Variants in EPB41L4B observed in about 807,000 individuals in gnomAD.
EPB41L4B encodes erythrocyte membrane protein band 4.1 like 4B.
Under a neutral mutation model 112.5 loss-of-function variants are expected in EPB41L4B, and 30 were observed. The observed-to-expected ratio is 0.27, with a 90% CI of 0.20 to 0.36. EPB41L4B has a LOEUF of 0.36. Among genes scored for constraint, EPB41L4B ranks in the 10% least tolerant of loss-of-function variants. The pLI is 1.00. For missense variants in EPB41L4B, 1,024 were observed against 1,133.3 expected, an observed-to-expected ratio of 0.90 and a Z score of 1.38; for synonymous variants, 408 against 439.7, an observed-to-expected ratio of 0.93 and a Z score of 0.90.
chr9:109,193,314 G>A (rs952930422), intron 21 of EPB41L4B, among the ~76,000 whole-genome samples: 1 of 152,242 alleles, frequency 6.6e-6, no homozygotes, highest in Admixed American at 6.5e-5. Context: ...TTATTCTTCA[G>A]CTGTCACCAG....
At chr9:109,178,186 G>C (rs1411413348) in intron 24 of EPB41L4B, among the ~76,000 whole-genome samples, 1 of 151,928 alleles carries the variant, frequency 6.6e-6, no homozygotes, top group Non-Finnish European at 1.5e-5. Flanking sequence ...AAAGTGCTGG[G>C]ATTATAGGTG....
intron 9 of EPB41L4B, 42 bp downstream of exon 9, chr9:109,256,094 A>G (rs1834973937): frequency 6.4e-7 from 1 of 1,552,800 alleles, no homozygotes; most frequent in African/African-American, 1.4e-5. Context: ...TCCACCACAA[A>G]ATAGGAAAAG....
intron 15 of EPB41L4B, chr9:109,241,103 T>C: frequency 1.0e-6 from 1 of 985,594 alleles, no homozygotes; most frequent in Non-Finnish European, 1.2e-6. Context: ...ATAAAATTAG[T>C]TTGAATGTAT....
At chr9:109,241,310 G>A in intron 15 of EPB41L4B, 1 of 1,031,052 alleles carries the variant, frequency 9.7e-7, no homozygotes. Flanking sequence ...AATATATGCT[G>A]AGCAATCTTC....
intron 16 of EPB41L4B, among the ~76,000 whole-genome samples, chr9:109,214,196 C>T (rs1217603977): frequency 6.6e-6 from 1 of 152,210 alleles, no homozygotes; most frequent in Non-Finnish European, 1.5e-5. Flanking sequence ...GATTAGTGTT[C>T]AGGCAAACAG....
intron 15 of EPB41L4B, among the ~76,000 whole-genome samples, chr9:109,218,694 T>C (rs1479295563): frequency 1.3e-5 from 2 of 151,798 alleles, no homozygotes; most frequent in Non-Finnish European, 2.9e-5. Flanking sequence ...CTTCCCACCC[T>C]AACTCCTTCC....
chr9:109,176,783 G>T (rs1029569762), intron 24 of EPB41L4B, 87 bp from the exon 25 acceptor site: 3 of 1,438,668 alleles, frequency 2.1e-6, no homozygotes, highest in Admixed American at 2.2e-5. Context: ...TTACTCTACA[G>T]TTCCTGTTCC....
At chr9:109,310,154 T>G (rs74343255) in intron 1 of EPB41L4B, among the ~76,000 whole-genome samples, 26 of 152,154 alleles carry the variant, frequency 1.7e-4, no homozygotes, top group Non-Finnish European at 3.7e-4. Flanking sequence ...ATGCATGCAA[T>G]GGAATAACTA....
chr9:109,208,046 C>T lies in EPB41L4B; in HGVS notation c.1756G>A (p.Glu586Lys), dbSNP rs199540461. 1.9e-4 allele frequency: 300 copies of T among 1,613,724 alleles called. No individual in the cohort carries two copies. Among genetic ancestry groups the T allele is most frequent in the Non-Finnish European group, 2.4e-4 (284 of 1,179,946 alleles). The change falls in exon 18 of 26, where the codon GAA becomes AAA. Residue 586 changes from glutamate (E) to lysine (K), a missense_variant. Physicochemically the swap from Glu to Lys is moderately conservative, Grantham distance 56. Transcript: ENST00000374566. Reference sequence around the variant, plus strand: ...GTTTTCTCCGAGACTTTCTTTTCTTCAGCCTGAGACAAACCAAAATACAAA... The same window carrying T: ...GTTTTCTCCGAGACTTTCTTTTCTTTAGCCTGAGACAAACCAAAATACAAA... ...PPLHININKAEEKKVSEKTLQ... is the reference protein window; with the variant it reads ...PPLHININKAKEKKVSEKTLQ...
At chr9:109,265,109 C>A in intron 4 of EPB41L4B, 85 bp from the exon 5 acceptor site, 2 of 1,045,948 alleles carry the variant, frequency 1.9e-6, no homozygotes, top group Non-Finnish European at 2.8e-6. Context: ...AACCCCACCC[C>A]ACACACAGCA....
In EPB41L4B at chr9:109,263,031, C is replaced by G; in HGVS notation, c.631+19G>C. The G allele has an allele frequency of 6.5e-7, 1 of 1,547,748 alleles. No individual in the cohort carries two copies. The highest frequency in any genetic ancestry group is 2.3e-5 in the East Asian group (1 of 44,100). ...AGCAATAACATTAAAATGCTAATTA[C>G]TACTAAAGATTAATGTACCTTGTAG... On this transcript the variant is annotated intron_variant, in intron 6 of 25. Coordinates refer to ENST00000374566, the MANE Select transcript of EPB41L4B (RefSeq NM_019114.5).
At chr9:109,182,145 GT>G (rs1479102574) in intron 24 of EPB41L4B, among the ~76,000 whole-genome samples, 1 of 152,206 alleles carries the variant, frequency 6.6e-6, no homozygotes, top group Non-Finnish European at 1.5e-5. Context: ...GGAGGTGGAG[GT>G]TGAAGTGAGC....
chr9:109,234,644 C>T (rs1337342786), intron 15 of EPB41L4B, among the ~76,000 whole-genome samples: 2 of 152,206 alleles, frequency 1.3e-5, no homozygotes, highest in African/African-American at 2.4e-5. Context: ...GCAAGAGGAT[C>T]GCTTGAGCCC....
chr9:109,220,465 T>C (rs192174979), intron 15 of EPB41L4B, among the ~76,000 whole-genome samples: 2 of 152,334 alleles, frequency 1.3e-5, no homozygotes, highest in Non-Finnish European at 2.9e-5. Context: ...CCAGTATCTC[T>C]CTGTTAGGAG....
At chr9:109,278,847 G>GATTTTGTT (rs1389644002) in intron 2 of EPB41L4B, among the ~76,000 whole-genome samples, 1 of 152,154 alleles carries the variant, frequency 6.6e-6, no homozygotes, top group Non-Finnish European at 1.5e-5. Context: ...CCCCAAGCTA[G>GATTTTGTT]ATTTTGTTGG....
rs967966408 is a variant in EPB41L4B, at chr9:109,207,637, C to T, written c.1878+287G>A. Among the ~76,000 whole-genome samples, 2 of 152,038 alleles carry T rather than the reference C, an allele frequency of 1.3e-5. No individual in the cohort carries two copies. Among genetic ancestry groups the T allele is most frequent in the Non-Finnish European group, 2.9e-5 (2 of 68,002 alleles). On this transcript the variant is annotated intron_variant, in intron 18 of 25. Coordinates refer to ENST00000374566, the MANE Select transcript of EPB41L4B (RefSeq NM_019114.5). ...AGAGGAATATTCATGAGCCCCCACC[C>T]CAATTTACCAAATCTCTGGGGACAG...
At chr9:109,177,223 G>A (rs1564245094) in intron 24 of EPB41L4B, among the ~76,000 whole-genome samples, 3 of 152,150 alleles carry the variant, frequency 2.0e-5, no homozygotes, top group Admixed American at 6.5e-5. Flanking sequence ...CATTACTGTA[G>A]CAGTGGTTCC....
At chr9:109,223,868 A>G (rs1419621290) in intron 15 of EPB41L4B, among the ~76,000 whole-genome samples, 1 of 151,988 alleles carries the variant, frequency 6.6e-6, no homozygotes, top group Non-Finnish European at 1.5e-5. Flanking sequence ...AAAATACAAA[A>G]ATTAGCCAGG....
chr9:109,301,787 CT>C (rs1836978324), intron 1 of EPB41L4B, among the ~76,000 whole-genome samples: 3 of 152,230 alleles, frequency 2.0e-5, no homozygotes, highest in Non-Finnish European at 4.4e-5. Flanking sequence ...ATAACCCCAA[CT>C]GATACTCAGG....
Sources: gnomAD v4.1 joint callset for allele counts (sites outside exome capture counted in the v4.1 genomes callset) on GRCh38, gnomAD v4.1.1 for gene constraint, MANE v1.5 for transcripts, NCBI Gene and HGNC (gene_info 2026-07-23, HGNC 2026-07-21) for gene names.